PCDHGA1: variants seen among roughly 807,000 people sequenced by gnomAD.
The protein encoded by PCDHGA1 is protocadherin gamma-A1.
PCDHGA1 carries 32 observed loss-of-function variants against 58.0 expected under a neutral mutation model. The observed-to-expected ratio is 0.55, with a 90% CI of 0.42 to 0.74. The LOEUF is 0.74. PCDHGA1 is among the 30% of genes least tolerant of loss of function. PCDHGA1 has a pLI of 0.00. For missense variants in PCDHGA1, 1,205 were observed against 1,182.3 expected (o/e 1.02, Z -0.28); for synonymous variants, 498 against 501.1 (o/e 0.99, Z 0.08).
intron 1 of PCDHGA1, chr5:141,416,850 T>C (rs2096064812): frequency 6.6e-6 from 1 of 151,902 alleles, no homozygotes; most frequent in South Asian, 2.1e-4. Flanking sequence ...AATTCCATGA[T>C]TTTTTTCAGG....
chr5:141,342,117 T>A (rs1009896081), intron 1 of PCDHGA1: 2 of 152,202 alleles, frequency 1.3e-5, no homozygotes, highest in African/African-American at 4.8e-5. Context: ...CTCCTTTTTT[T>A]TTATCTTTCT....
chr5:141,423,310 G>C, intron 1 of PCDHGA1: 2 of 1,614,180 alleles, frequency 1.2e-6, no homozygotes, highest in Non-Finnish European at 1.7e-6. Context: ...GCTGTACTTG[G>C]TGGTGGCGGT....
chr5:141,496,163 A>T (rs1249396595), intron 2 of PCDHGA1, among the ~76,000 whole-genome samples: 2 of 150,100 alleles, frequency 1.3e-5, no homozygotes, highest in Non-Finnish European at 3.0e-5. Flanking sequence ...TCCACCAGAC[A>T]CCCTCCCATC....
intron 1 of PCDHGA1, among the ~76,000 whole-genome samples, chr5:141,347,637 A>G (rs1050531280): frequency 6.6e-6 from 1 of 152,108 alleles, no homozygotes; most frequent in African/African-American, 2.4e-5. Flanking sequence ...AAATACAAAA[A>G]TTAGCTGGGC....
intron 1 of PCDHGA1, chr5:141,394,889 T>C: frequency 6.2e-7 from 1 of 1,613,858 alleles, no homozygotes; most frequent in Non-Finnish European, 8.5e-7. Context: ...TTACACTCTA[T>C]CTCGTGGTGG....
intron 1 of PCDHGA1, among the ~76,000 whole-genome samples, chr5:141,353,029 A>G (rs1246160441): frequency 6.6e-6 from 1 of 152,122 alleles, no homozygotes; most frequent in Admixed American, 6.5e-5. Context: ...TTTTCTTCTC[A>G]TTGGTGTATA....
At chr5:141,364,902 A>T (rs781602444) in intron 1 of PCDHGA1, 8 of 1,614,032 alleles carry the variant, frequency 5.0e-6, no homozygotes, top group Non-Finnish European at 6.8e-6. Flanking sequence ...GGACAAAAGT[A>T]TCCGGAGCTG....
intron 1 of PCDHGA1, among the ~76,000 whole-genome samples, chr5:141,473,785 A>G (rs1240342191): frequency 6.6e-6 from 1 of 152,226 alleles, no homozygotes; most frequent in Non-Finnish European, 1.5e-5. Context: ...TTAATTCAAG[A>G]GCAGTATGAT....
In PCDHGA1 at chr5:141,360,884, C is replaced by T; in HGVS notation, c.2421+27779C>T. 1 of 1,614,020 alleles carries T rather than the reference C, an allele frequency of 6.2e-7. No individual in the cohort carries two copies. Among genetic ancestry groups the T allele is most frequent in the Non-Finnish European group, 8.5e-7 (1 of 1,179,908 alleles). On this transcript the variant is annotated intron_variant, in intron 1 of 3. Coordinates refer to ENST00000517417, the MANE Select transcript of PCDHGA1 (RefSeq NM_018912.3). ...TTCAGCCAGGACGTGTACAGGGTCA[C>T]CCTGAGGGAGGACGTGCCGCCGGGC...
At chr5:141,419,151 C>T (rs2096335413) in intron 1 of PCDHGA1, 2 of 1,613,800 alleles carry the variant, frequency 1.2e-6, no homozygotes, top group African/African-American at 2.7e-5. Context: ...GGCAAGCCTC[C>T]GTTATCCTCC....
rs200109132 is a variant in PCDHGA1 at position 141,365,789 on chromosome 5, G to T, written c.2421+32684G>T. The T allele has an allele frequency of 1.4e-3, 2,225 of 1,613,896 alleles. 4 individuals carry two copies. Among genetic ancestry groups the T allele is most frequent in the Non-Finnish European group, 1.6e-3 (1,930 of 1,179,890 alleles). On this transcript the variant is annotated intron_variant, in intron 1 of 3. Transcript: ENST00000517417. ...CCCCGACAGCGGCGACAACGCTCGA[G>T]TCACCTACTCCCTGGCTGAAGACAC...
rs755177334 is a variant in PCDHGA1, at chr5:141,403,403, C to A, written c.2421+70298C>A. On this transcript the variant is annotated intron_variant, in intron 1 of 3. Coordinates refer to ENST00000517417, the MANE Select transcript of PCDHGA1 (RefSeq NM_018912.3). ...TAACGAAATCGCGGTTCCTGGAGCA[C>A]GTTATCCACTTCCAGAAGCTATTGA... 6.2e-6 allele frequency: 10 copies of A among 1,613,948 alleles called. 1 individual carries two copies. The South Asian group carries it at 1.1e-4, about 18-fold the overall frequency.
chr5:141,333,217 A>G, intron 1 of PCDHGA1, 112 bp downstream of exon 1: 2 of 1,490,722 alleles, frequency 1.3e-6, no homozygotes, highest in Non-Finnish European at 9.1e-7. Flanking sequence ...GTATCTTTGT[A>G]GCTTTTTATT....
intron 1 of PCDHGA1, among the ~76,000 whole-genome samples, chr5:141,405,839 G>C (rs2094725144): frequency 6.6e-6 from 1 of 152,134 alleles, no homozygotes; most frequent in African/African-American, 2.4e-5. Context: ...AGTATAAGTT[G>C]ATATCAGTGT....
In PCDHGA1 at chr5:141,477,229, C is replaced by G. The variant is rs1376731101; in HGVS notation, c.2422-17578C>G. The G allele has an allele frequency of 6.2e-7, 1 of 1,614,222 alleles. No homozygotes were observed. The highest frequency in any genetic ancestry group is 8.5e-7 in the Non-Finnish European group (1 of 1,180,052). On this transcript the variant is annotated intron_variant, in intron 1 of 3. Transcript: ENST00000517417. This position sits in a 1 kb window ranked among gnomAD's most constrained non-coding sequence, Gnocchi z 4.9. ...AGGATGCCCCTCTGGGGACTGTCAT[C>G]GCTTTGCTCAGTGTGACTGACCTGG...
chr5:141,466,612 C>T (rs141916895), intron 1 of PCDHGA1, among the ~76,000 whole-genome samples: 1 of 152,262 alleles, frequency 6.6e-6, no homozygotes, highest in East Asian at 1.9e-4. Flanking sequence ...TTGTAAACTG[C>T]CGTTTTCTTT....
intron 1 of PCDHGA1, among the ~76,000 whole-genome samples, chr5:141,397,322 AATT>A (rs1264296504): frequency 6.6e-6 from 1 of 152,188 alleles, no homozygotes; most frequent in Non-Finnish European, 1.5e-5. Flanking sequence ...AGTAAAGAAA[AATT>A]ATTTTTATAA....
At chr5:141,474,998 T>C (rs1029967243) in intron 1 of PCDHGA1, among the ~76,000 whole-genome samples, 1 of 152,260 alleles carries the variant, frequency 6.6e-6, no homozygotes, top group Non-Finnish European at 1.5e-5. Context: ...CAATTCTAAA[T>C]GCAGAAAAGT....
At chr5:141,398,951 C>A (rs771456321) in intron 1 of PCDHGA1, 2 of 1,613,822 alleles carry the variant, frequency 1.2e-6, no homozygotes, top group Admixed American at 1.7e-5. Flanking sequence ...GGCATCAACT[C>A]AGAAATTACT....
Sources: allele counts gnomAD v4.1 joint callset (sites outside exome capture counted in the v4.1 genomes callset), GRCh38; gene constraint gnomAD v4.1.1; non-coding constraint Gnocchi (gnomAD v3.1); transcripts MANE v1.5; gene names NCBI Gene and HGNC (gene_info 2026-07-23, HGNC 2026-07-21).